RNF2: variants seen among roughly 807,000 people sequenced by gnomAD.
RNF2 encodes the protein E3 ubiquitin-protein ligase RING2.
A neutral mutation model predicts 37.2 loss-of-function variants in RNF2; 6 were observed. The observed-to-expected ratio is 0.16, with a 90% CI of 0.09 to 0.32. RNF2 has a LOEUF of 0.32. Among genes scored for constraint, RNF2 ranks in the 10% least tolerant of loss-of-function variants. The pLI, the probability that RNF2 is intolerant of heterozygous loss-of-function variation, is 1.00. For missense variants in RNF2, 251 were observed against 404.0 expected, an observed-to-expected ratio of 0.62 and a Z score of 3.25; for synonymous variants, 133 against 132.7, an observed-to-expected ratio of 1.00 and a Z score of -0.02.
intron 1 of RNF2, among the ~76,000 whole-genome samples, chr1:185,069,316 G>T (rs1356891115): frequency 6.6e-6 from 1 of 152,048 alleles, no homozygotes. Context: ...AACCAACTTG[G>T]CATGGTGGTT....
At chr1:185,073,733 A>G (rs1310842225) in intron 1 of RNF2, among the ~76,000 whole-genome samples, 1 of 152,222 alleles carries the variant, frequency 6.6e-6, no homozygotes, top group Non-Finnish European at 1.5e-5. Flanking sequence ...TATGTCAATC[A>G]AAGATAATAA....
chr1:185,050,185 G>T (rs1254583950), intron 1 of RNF2, among the ~76,000 whole-genome samples: 1 of 152,244 alleles, frequency 6.6e-6, no homozygotes, highest in Non-Finnish European at 1.5e-5. Flanking sequence ...GCCAGACCCT[G>T]TGCAAGGGAT....
chr1:185,060,279 C>G (rs1373935782), intron 1 of RNF2, among the ~76,000 whole-genome samples: 1 of 152,136 alleles, frequency 6.6e-6, no homozygotes, highest in African/African-American at 2.4e-5. Context: ...ATACAGATAA[C>G]TGATCTGTAT....
chr1:185,072,506 A>G (rs1651007687), intron 1 of RNF2, among the ~76,000 whole-genome samples: 1 of 152,054 alleles, frequency 6.6e-6, no homozygotes, highest in South Asian at 2.1e-4. Context: ...CAAGGTTAGA[A>G]TTTCTTTAGA....
intron 1 of RNF2, among the ~76,000 whole-genome samples, chr1:185,047,398 C>G (rs1418083597): frequency 6.6e-6 from 1 of 152,146 alleles, no homozygotes; most frequent in Non-Finnish European, 1.5e-5. Context: ...GTGAAGCTCC[C>G]AGGTTTGAAT....
At chr1:185,071,365 G>A (rs1650967865) in intron 1 of RNF2, among the ~76,000 whole-genome samples, 1 of 152,118 alleles carries the variant, frequency 6.6e-6, no homozygotes, top group African/African-American at 2.4e-5. Context: ...GACGAGGGAA[G>A]CCATCTTGGG....
intron 1 of RNF2, among the ~76,000 whole-genome samples, chr1:185,051,780 CTG>C (rs932889951): frequency 1.3e-5 from 2 of 148,896 alleles, no homozygotes; most frequent in African/African-American, 4.9e-5. Context: ...GGTATAACAA[CTG>C]TATACAAAAA....
intron 1 of RNF2, 148 bp from the exon 2 acceptor site, chr1:185,087,404 C>T: frequency 4.7e-6 from 3 of 643,412 alleles, no homozygotes; most frequent in East Asian, 2.8e-5. Context: ...GCCCTCATAA[C>T]CTGATCACCT....
chr1:185,063,033 A>G (rs1236023836), intron 1 of RNF2, among the ~76,000 whole-genome samples: 5 of 152,222 alleles, frequency 3.3e-5, no homozygotes, highest in Non-Finnish European at 7.3e-5. Context: ...TTGCCCTTTG[A>G]TCCAGTAATT....
At chr1:185,061,251 C>T (rs1650593219) in intron 1 of RNF2, among the ~76,000 whole-genome samples, 2 of 151,712 alleles carry the variant, frequency 1.3e-5, no homozygotes, top group South Asian at 4.2e-4. Flanking sequence ...CCTCAGCCTC[C>T]CGAGTAGCTG....
intron 1 of RNF2, among the ~76,000 whole-genome samples, chr1:185,053,266 A>G (rs749662672): frequency 1.3e-5 from 2 of 151,550 alleles, no homozygotes; most frequent in Non-Finnish European, 2.9e-5. Context: ...TTCCCCCTAC[A>G]TTTATTTTTA....
rs3820184 is a variant in RNF2, at chr1:185,053,946, G to A, written c.-3+8297G>A. ...ATTCTTGGATGGATGTTAGTAACCC[G>A]GATTGAATGTAGCAGCGTTCACTTA... On this transcript the variant is annotated intron_variant, in intron 1 of 6. Transcript: ENST00000367510. Among the ~76,000 whole-genome samples the A allele has an allele frequency of 5.6e-3, 854 of 151,850 alleles. 32 individuals are homozygous for A. The East Asian group carries it at 0.085, about 15-fold the overall frequency.
chr1:185,090,134 C>T (rs1403673140), intron 2 of RNF2, among the ~76,000 whole-genome samples: 1 of 152,030 alleles, frequency 6.6e-6, no homozygotes, highest in Non-Finnish European at 1.5e-5. Flanking sequence ...GTTGGTCAGG[C>T]TGGTCTCGAA....
intron 1 of RNF2, among the ~76,000 whole-genome samples, chr1:185,068,373 G>A (rs949082246): frequency 6.6e-6 from 1 of 152,182 alleles, no homozygotes; most frequent in African/African-American, 2.4e-5. Context: ...TTCTTTGCAT[G>A]TGTAATTAAG....
At chr1:185,070,979 AT>A (rs1488441547) in intron 1 of RNF2, among the ~76,000 whole-genome samples, 4 of 152,150 alleles carry the variant, frequency 2.6e-5, no homozygotes, top group African/African-American at 9.7e-5. Context: ...TAAGGATTGT[AT>A]CTTAAGAGTG....
chr1:185,088,654 A>G (rs1226368011), intron 2 of RNF2, among the ~76,000 whole-genome samples: 1 of 152,194 alleles, frequency 6.6e-6, no homozygotes, highest in African/African-American at 2.4e-5. Flanking sequence ...AGACAAGTGT[A>G]AATTAGACTT....
intron 1 of RNF2, among the ~76,000 whole-genome samples, chr1:185,064,887 T>C (rs911762300): frequency 1.3e-5 from 2 of 152,216 alleles, no homozygotes; most frequent in African/African-American, 4.8e-5. Context: ...TCATTGTTAG[T>C]GTATATGAAT....
At chr1:185,061,420 C>T (rs891912966) in intron 1 of RNF2, among the ~76,000 whole-genome samples, 1 of 151,694 alleles carries the variant, frequency 6.6e-6, no homozygotes, top group Non-Finnish European at 1.5e-5. Context: ...AGGCAGAAAC[C>T]AACCCACCAA....
chr1:185,062,644 A>T (rs1019768205), intron 1 of RNF2, among the ~76,000 whole-genome samples: 1 of 152,026 alleles, frequency 6.6e-6, no homozygotes. Context: ...TATATAAAAG[A>T]TAAAAGTTAT....
Sources: gnomAD v4.1 joint callset for allele counts (sites outside exome capture counted in the v4.1 genomes callset) on GRCh38, gnomAD v4.1.1 for gene constraint, MANE v1.5 for transcripts, NCBI Gene and HGNC (gene_info 2026-07-23, HGNC 2026-07-21) for gene names.